Variants in ZMYM2 observed in about 807,000 individuals in gnomAD.
ZMYM2 encodes the protein zinc finger MYM-type containing 2.
Under a neutral mutation model 162.8 loss-of-function variants are expected in ZMYM2, and 56 were observed. The ratio of observed to expected loss-of-function variants is 0.34; its 90% CI spans 0.28 to 0.43. ZMYM2 has a LOEUF of 0.43. ZMYM2 is among the 20% of genes least tolerant of loss of function. ZMYM2 has a pLI of 1.00. For missense variants in ZMYM2, 1,275 were observed against 1,621.8 expected, an observed-to-expected ratio of 0.79 and a Z score of 3.67; for synonymous variants, 510 against 541.6, an observed-to-expected ratio of 0.94 and a Z score of 0.81.
In ZMYM2 at chr13:20,066,917, A is replaced by G. The variant is rs1321510712; in HGVS notation, c.3199A>G (p.Ser1067Gly). Residue 1067 changes from serine (S) to glycine (G), a missense_variant, in exon 20 of 25, where the codon AGC becomes GGC. Physicochemically the swap from Ser to Gly is moderately conservative, Grantham distance 56. This residue lies in a region of ZMYM2 where 229 missense variants were observed against 283.8 expected (regional missense o/e 0.81). Transcript: ENST00000610343. ...TGATAGTTCTGACAATTCAGAATGC[A>G]GCTTTCCTTTCAAATATACGTATGG... is the stretch of plus-strand genomic sequence containing the variant. ...HDDSSDNSEC[S>G]FPFKYTYGVN... 5.6e-6 allele frequency: 9 copies of G among 1,613,470 alleles called. No individual in the cohort carries two copies. Among genetic ancestry groups the G allele is most frequent in the African/African-American group, 1.3e-5 (1 of 74,932 alleles).
the ZMYM2 span, among the ~76,000 whole-genome samples, chr13:19,888,919 AT>A: frequency 6.6e-6 from 1 of 151,934 alleles, no homozygotes; most frequent in Non-Finnish European, 1.5e-5. Flanking sequence ...TTGACTTTAA[AT>A]TAGGTTCTCA....
At chr13:19,988,210 T>C (rs894889888) in intron 2 of ZMYM2, among the ~76,000 whole-genome samples, 1 of 152,234 alleles carries the variant, frequency 6.6e-6, no homozygotes, top group Non-Finnish European at 1.5e-5. Context: ...AAATACTGTA[T>C]GTTTTTGAAA....
the ZMYM2 span, among the ~76,000 whole-genome samples, chr13:19,899,816 C>CAAAAAAAAAA: frequency 3.1e-5 from 2 of 64,990 alleles, no homozygotes; most frequent in Non-Finnish European, 5.3e-5. Context: ...GACTCTGACT[C>CAAAAAAAAAA]AAAAAAAAAA....
chr13:20,066,009 C>T (rs886716272), intron 19 of ZMYM2, among the ~76,000 whole-genome samples: 1 of 152,110 alleles, frequency 6.6e-6, no homozygotes, highest in African/African-American at 2.4e-5. Flanking sequence ...TATTTATTTT[C>T]TCATCATTGG....
Position 20,034,295 on chromosome 13 carries a change from C to T in ZMYM2, c.2010C>T (p.Asp670=). The change falls in exon 11 of 25, where the codon GAC becomes GAT. Residue 670 remains aspartate, a synonymous_variant. Transcript: ENST00000610343. ...HQFCSKTCSD[D]YKKLHCIVTY... is the part of the protein sequence containing the mutation. ...TCTGCAGCAAAACTTGTTCAGATGACTATAAGAAGTTGCATTGCATAGTTA... is the reference window on the plus strand; with the variant it reads ...TCTGCAGCAAAACTTGTTCAGATGATTATAAGAAGTTGCATTGCATAGTTA... The T allele has an allele frequency of 6.2e-7, 1 of 1,609,568 alleles. No individual in the cohort carries two copies. The highest frequency in any genetic ancestry group is 1.7e-5 in the Admixed American group (1 of 59,306).
At chr13:20,043,001 G>A (rs996597325) in intron 12 of ZMYM2, among the ~76,000 whole-genome samples, 13 of 152,156 alleles carry the variant, frequency 8.5e-5, no homozygotes, top group Non-Finnish European at 1.6e-4. Context: ...TGGAATTACA[G>A]ACATGGACCA....
chr13:20,031,865 G>GTTTTTTTTTTTTT (rs10642086), intron 10 of ZMYM2, among the ~76,000 whole-genome samples: 23 of 130,256 alleles, frequency 1.8e-4, no homozygotes, highest in African/African-American at 2.6e-4. Context: ...TTCTGTAATT[G>GTTTTTTTTTTTTT]TTTTTTTTTT....
chr13:20,053,997 C>T (rs1955586252), intron 14 of ZMYM2, among the ~76,000 whole-genome samples: 1 of 152,260 alleles, frequency 6.6e-6, no homozygotes, highest in Non-Finnish European at 1.5e-5. Context: ...ATATTTTTCT[C>T]CTCCTACAGC....
chr13:20,019,509 T>C, intron 6 of ZMYM2, 38 bp from the exon 7 acceptor site: 1 of 1,511,264 alleles, frequency 6.6e-7, no homozygotes, highest in Non-Finnish European at 9.0e-7. Flanking sequence ...AGCTATTCTT[T>C]ATGTGTGTTT....
At chr13:20,068,489 A>G (rs990142118) in intron 21 of ZMYM2, 8 of 156,210 alleles carry the variant, frequency 5.1e-5, no homozygotes, top group African/African-American at 1.9e-4. Context: ...CTCTAGGAAT[A>G]TTAATGTATT....
At position 20,001,076 on chromosome 13, in the gene ZMYM2, A is replaced by T. The variant is rs545961116; in HGVS notation, c.848-1774A>T. ...TAATTGTAGATGTGGTGGAAATAGCATGAGAACTAGAATTAGTAGTGGAAC... is the reference window on the plus strand; with the variant it reads ...TAATTGTAGATGTGGTGGAAATAGCTTGAGAACTAGAATTAGTAGTGGAAC... On this transcript the variant is annotated intron_variant, in intron 3 of 24. Transcript: ENST00000610343. Among the ~76,000 whole-genome samples, 3 of 152,330 alleles carry T rather than the reference A, an allele frequency of 2.0e-5. No individual in the cohort carries two copies. In the East Asian group the frequency reaches 5.8e-4, roughly 29 times the overall value.
Position 20,046,819 on chromosome 13 carries a change from A to G in ZMYM2, c.2293-4614A>G, listed in dbSNP as rs765174169. On this transcript the variant is annotated intron_variant, in intron 12 of 24. Coordinates refer to ENST00000610343, the MANE Select transcript of ZMYM2 (RefSeq NM_197968.4). ...TAGATGTCGTGTGTTCCACCTTGCT[A>G]TGTTTTTTAAAAGATAGTTATTTCT... Among the ~76,000 whole-genome samples the G allele has an allele frequency of 1.1e-4, 16 of 151,760 alleles. No individual in the cohort carries two copies. In the East Asian group the frequency reaches 1.7e-3, roughly 16 times the overall value.
At chr13:20,030,557 C>A (rs560973337) in intron 9 of ZMYM2, among the ~76,000 whole-genome samples, 91 of 152,310 alleles carry the variant, frequency 6.0e-4, no homozygotes, top group South Asian at 2.5e-3. Context: ...TGCCACCACC[C>A]CCAGCTAATT....
At chr13:20,008,369 G>A (rs1359340809) in intron 6 of ZMYM2, among the ~76,000 whole-genome samples, 1 of 152,222 alleles carries the variant, frequency 6.6e-6, no homozygotes, top group Non-Finnish European at 1.5e-5. Context: ...GACCTCAAGT[G>A]ATTTGCCCAC....
At chr13:19,929,324 C>T in the ZMYM2 span, among the ~76,000 whole-genome samples, 4 of 152,066 alleles carry the variant, frequency 2.6e-5, no homozygotes, top group Admixed American at 2.0e-4. Context: ...CTGCAAACTG[C>T]GCCTCCTGGG....
chr13:19,897,174 A>G, the ZMYM2 span, among the ~76,000 whole-genome samples: 2 of 152,180 alleles, frequency 1.3e-5, no homozygotes, highest in Non-Finnish European at 2.9e-5. Flanking sequence ...GGAAAAATCA[A>G]CTAAACACAG....
chr13:20,032,318 C>A (rs111850519), intron 10 of ZMYM2, among the ~76,000 whole-genome samples: 3 of 151,318 alleles, frequency 2.0e-5, no homozygotes, highest in African/African-American at 7.3e-5. Flanking sequence ...CATAAGGGGG[C>A]AGTAATAGAT....
At chr13:20,033,381 C>T (rs909048214) in intron 10 of ZMYM2, among the ~76,000 whole-genome samples, 1 of 152,128 alleles carries the variant, frequency 6.6e-6, no homozygotes, top group African/African-American at 2.4e-5. Flanking sequence ...GCGTGTCCCC[C>T]TGGGAGATTG....
chr13:20,058,738 C>T (rs201599032), intron 15 of ZMYM2, 34 bp downstream of exon 15: 11 of 1,608,926 alleles, frequency 6.8e-6, no homozygotes, highest in Middle Eastern at 1.7e-4. Flanking sequence ...CATACTTCCC[C>T]ATACCTTCAT....
Sources: allele counts gnomAD v4.1 joint callset (sites outside exome capture counted in the v4.1 genomes callset), GRCh38; gene constraint gnomAD v4.1.1; regional missense constraint gnomAD v4.1.1; transcripts MANE v1.5; gene names NCBI Gene and HGNC (gene_info 2026-07-23, HGNC 2026-07-21).